Variants in TMTC4 observed in about 807,000 individuals in gnomAD.
The protein encoded by TMTC4 is transmembrane O-mannosyltransferase targeting cadherins 4.
In TMTC4, 65 loss-of-function variants were observed where a neutral mutation model predicts 86.0. That is an observed-to-expected ratio of 0.76 (90% CI 0.62 to 0.93). TMTC4 has a LOEUF of 0.93. Among genes scored for constraint, TMTC4 ranks in the 40% least tolerant of loss-of-function variants. TMTC4 has a pLI of 0.00. For missense variants in TMTC4, 866 were observed against 948.1 expected (o/e 0.91, Z 1.14); for synonymous variants, 379 against 382.5 (o/e 0.99, Z 0.11).
intron 1 of TMTC4, among the ~76,000 whole-genome samples, chr13:100,671,655 C>T (rs1887119504): frequency 6.6e-6 from 1 of 152,112 alleles, no homozygotes; most frequent in South Asian, 2.1e-4. Flanking sequence ...GGCCTACCTC[C>T]AACGCCCCTG....
chr13:100,667,816 T>C (rs150629956), intron 3 of TMTC4, among the ~76,000 whole-genome samples: 1 of 152,350 alleles, frequency 6.6e-6, no homozygotes, highest in African/African-American at 2.4e-5. Context: ...TTCCGAGTTC[T>C]TTCTCCTCTG....
At chr13:100,621,047 G>A (rs376666028) in intron 15 of TMTC4, among the ~76,000 whole-genome samples, 2 of 152,192 alleles carry the variant, frequency 1.3e-5, no homozygotes, top group African/African-American at 4.8e-5. Flanking sequence ...ACCATTTCAC[G>A]GCAGTGTAAT....
At chr13:100,664,143 C>T (rs1193574919) in intron 4 of TMTC4, 78 bp downstream of exon 4, 9 of 1,280,082 alleles carry the variant, frequency 7.0e-6, no homozygotes, top group Non-Finnish European at 9.6e-6. Flanking sequence ...TGCTGAGAAC[C>T]TGGTGACACA....
intron 9 of TMTC4, among the ~76,000 whole-genome samples, chr13:100,637,132 C>T (rs1324546131): frequency 1.3e-5 from 2 of 152,082 alleles, no homozygotes; most frequent in Admixed American, 6.5e-5. Flanking sequence ...GAATCTGTGG[C>T]TTGATACCCT....
intron 16 of TMTC4, among the ~76,000 whole-genome samples, chr13:100,612,744 C>A (rs970026045): frequency 2.0e-5 from 3 of 151,800 alleles, no homozygotes; most frequent in Non-Finnish European, 4.4e-5. Context: ...TCTGACACAA[C>A]ACATAAACAG....
At chr13:100,664,657 C>A (rs1290550184) in intron 3 of TMTC4, among the ~76,000 whole-genome samples, 1 of 152,106 alleles carries the variant, frequency 6.6e-6, no homozygotes, top group Non-Finnish European at 1.5e-5. Context: ...ACGTGCGGGT[C>A]ACCCCTGGAC....
chr13:100,609,380 C>T (rs1380967671), intron 17 of TMTC4, among the ~76,000 whole-genome samples: 1 of 151,852 alleles, frequency 6.6e-6, no homozygotes, highest in African/African-American at 2.4e-5. Context: ...TAAGGTAATA[C>T]CTAGATGTGG....
intron 5 of TMTC4, among the ~76,000 whole-genome samples, 161 bp from the exon 6 acceptor site, chr13:100,656,629 AC>A (rs1378043978): frequency 6.2e-5 from 9 of 145,216 alleles, no homozygotes; most frequent in Non-Finnish European, 1.1e-4. Flanking sequence ...TGTAGCCTCA[AC>A]CCCCCTGGGC....
intron 6 of TMTC4, among the ~76,000 whole-genome samples, chr13:100,654,966 T>C (rs1414179517): frequency 6.6e-6 from 1 of 151,432 alleles, no homozygotes; most frequent in East Asian, 1.9e-4. Context: ...ATCAATAAAA[T>C]GGCACTTTCA....
intron 15 of TMTC4, among the ~76,000 whole-genome samples, chr13:100,618,998 T>C (rs1594248583): frequency 1.3e-5 from 2 of 152,328 alleles, no homozygotes; most frequent in African/African-American, 2.4e-5. Flanking sequence ...CTCAATGAGC[T>C]GTTGGGTACA....
intron 2 of TMTC4, 96 bp from the exon 3 acceptor site, chr13:100,668,890 CTA>C: frequency 8.0e-7 from 1 of 1,246,490 alleles, no homozygotes; most frequent in Non-Finnish European, 1.1e-6. Flanking sequence ...GTCATTTATG[CTA>C]TGATTTTATA....
At chr13:100,615,641 T>C (rs1472429351) in intron 15 of TMTC4, among the ~76,000 whole-genome samples, 1 of 151,820 alleles carries the variant, frequency 6.6e-6, no homozygotes, top group Non-Finnish European at 1.5e-5. Flanking sequence ...TCAGTAGAGA[T>C]GGGGTTTCAC....
At chr13:100,654,300 A>G (rs1884809856) in intron 6 of TMTC4, among the ~76,000 whole-genome samples, 1 of 152,236 alleles carries the variant, frequency 6.6e-6, no homozygotes, top group African/African-American at 2.4e-5. Flanking sequence ...TAAAGGCCTC[A>G]TAATTTCTTT....
At chr13:100,635,308 G>C in intron 10 of TMTC4, 113 bp from the exon 11 acceptor site, 2 of 1,179,218 alleles carry the variant, frequency 1.7e-6, no homozygotes. Context: ...GGCATCAACT[G>C]AGAAAAGATA....
chr13:100,666,895 T>C (rs113007293), intron 3 of TMTC4, among the ~76,000 whole-genome samples: 3 of 152,254 alleles, frequency 2.0e-5, no homozygotes, highest in African/African-American at 4.8e-5. Context: ...GAGGCTAAGA[T>C]GGGAGGATGG....
chr13:100,634,129 G>T (rs1239833040), intron 12 of TMTC4, among the ~76,000 whole-genome samples: 1 of 145,436 alleles, frequency 6.9e-6, no homozygotes, highest in Non-Finnish European at 1.5e-5. Context: ...ACAAGAGAAA[G>T]ACCCAGTCTC....
At chr13:100,662,478 C>T (rs1885900763) in intron 5 of TMTC4, among the ~76,000 whole-genome samples, 1 of 152,006 alleles carries the variant, frequency 6.6e-6, no homozygotes, top group Non-Finnish European at 1.5e-5. Context: ...GCTGATGTCA[C>T]AGCGTTTTCA....
At chr13:100,668,990 C>T (rs9518128) in intron 2 of TMTC4, among the ~76,000 whole-genome samples, 196 bp from the exon 3 acceptor site, 57,276 of 152,016 alleles carry the variant, frequency 0.38, 11,997 homozygotes, top group Non-Finnish European at 0.47. Context: ...TTCCTGGGTC[C>T]GACCACAGGA....
chr13:100,642,965 A>G lies in TMTC4; in HGVS notation c.641-654T>C, dbSNP rs114572229. On this transcript the variant is annotated intron_variant, in intron 6 of 18. Coordinates refer to ENST00000342624, the MANE Select transcript of TMTC4 (RefSeq NM_032813.5). ...CTGCATGGGGGCTCGAGCACCAACA[A>G]GAAGCCAAAACATCCCCAGACGTGT... 1.7e-3 allele frequency among the ~76,000 whole-genome samples: 255 copies of G among 152,306 alleles called. 4 individuals are homozygous for G. Among genetic ancestry groups the G allele is most frequent in the African/African-American group, 5.9e-3 (244 of 41,568 alleles).
Sources: gnomAD v4.1 joint callset for allele counts (sites outside exome capture counted in the v4.1 genomes callset) on GRCh38, gnomAD v4.1.1 for gene constraint, MANE v1.5 for transcripts, NCBI Gene and HGNC (gene_info 2026-07-23, HGNC 2026-07-21) for gene names.